The following CLTA variants were observed in gnomAD, a reference collection of about 807,000 sequenced individuals.
The protein encoded by CLTA is clathrin, light polypeptide (Lca).
CLTA carries 9 observed loss-of-function variants against 26.9 expected under a neutral mutation model. The observed-to-expected ratio is 0.33, with a 90% CI of 0.20 to 0.58. CLTA has a LOEUF of 0.58. CLTA is among the 20% of genes least tolerant of loss of function. CLTA has a pLI of 0.85. For missense variants in CLTA, 278 were observed against 294.2 expected, an observed-to-expected ratio of 0.94 and a Z score of 0.40; for synonymous variants, 120 against 115.5, an observed-to-expected ratio of 1.04 and a Z score of -0.25.
In CLTA at chr9:36,191,823, G is replaced by A. The variant is rs371432128; in HGVS notation, c.217+550G>A. ...GTAGGGAACTCGAAAGATGATCTAG[G>A]TCTGGAGAAAGAACTGCCAAGCGCG... is the stretch of plus-strand genomic sequence containing the variant. On this transcript the variant is annotated intron_variant, in intron 1 of 4. Transcript: ENST00000345519. Among the ~76,000 whole-genome samples the A allele has an allele frequency of 1.6e-3, 240 of 152,334 alleles. 8 individuals are homozygous for A. The South Asian group carries it at 0.049, about 31-fold the overall frequency.
At chr9:36,203,989 G>T in intron 3 of CLTA, 79 bp from the exon 4 acceptor site, 1 of 1,574,042 alleles carries the variant, frequency 6.4e-7, no homozygotes, top group Non-Finnish European at 8.6e-7. Flanking sequence ...CACAAGTTCA[G>T]CAAGACCAAA....
At chr9:36,208,413 T>A (rs950391556) in intron 4 of CLTA, among the ~76,000 whole-genome samples, 1 of 152,166 alleles carries the variant, frequency 6.6e-6, no homozygotes, top group Admixed American at 6.5e-5. Context: ...TCAAAGCCAA[T>A]TGAGTCTGGT....
intron 2 of CLTA, among the ~76,000 whole-genome samples, chr9:36,197,951 G>A (rs1452708086): frequency 6.6e-6 from 1 of 150,614 alleles, no homozygotes; most frequent in Non-Finnish European, 1.5e-5. Context: ...TTAGTTCAGT[G>A]AGTGGCATAT....
intron 1 of CLTA, 26 bp from the exon 2 acceptor site, chr9:36,197,525 A>T (rs758386515): frequency 2.5e-6 from 4 of 1,600,356 alleles, no homozygotes; most frequent in Admixed American, 1.7e-5. Context: ...GTCCTTATTG[A>T]TAGACCAAAA....
Position 36,191,241 on chromosome 9 carries a change from C to T in CLTA, c.185C>T (p.Pro62Leu). Reference protein sequence around the residue: ...FAILDGGAPGPQPHGEPPGGP... With the variant: ...FAILDGGAPGLQPHGEPPGGP... ...ATCCTGGACGGCGGCGCCCCCGGGC[C>T]CCAGCCGCACGGCGAGCCGCCGGGG... is the stretch of plus-strand genomic sequence containing the variant. The change falls in exon 1 of 5, where the codon CCC (proline) becomes CTC (leucine). Residue 62 changes from proline to leucine, a missense_variant. Transcript: ENST00000345519. 3 of 1,535,988 alleles carry T rather than the reference C, an allele frequency of 2.0e-6. No individual in the cohort carries two copies. The highest frequency in any genetic ancestry group is 1.4e-5 in the African/African-American group (1 of 72,046).
At chr9:36,210,735 A>G in intron 4 of CLTA, 9 of 1,576,522 alleles carry the variant, frequency 5.7e-6, no homozygotes, top group South Asian at 1.1e-5. Context: ...TCTGGGCTTC[A>G]GCGGTGTTTG....
At chr9:36,204,972 A>G (rs1827630280) in intron 4 of CLTA, among the ~76,000 whole-genome samples, 1 of 152,106 alleles carries the variant, frequency 6.6e-6, no homozygotes, top group South Asian at 2.1e-4. Context: ...GAGCCTGGGG[A>G]TATTTTTAAT....
At position 36,191,278 on chromosome 9, in the gene CLTA, G is replaced by T; in HGVS notation, c.217+5G>T. 1 of 1,509,662 alleles carries T rather than the reference G, an allele frequency of 6.6e-7. No individual in the cohort carries two copies. The allele number at this position is 1,509,662 out of a possible 1,614,324, so 93.5% of individuals were successfully genotyped here. On this transcript the variant is annotated splice_donor_5th_base_variant and intron_variant, in intron 1 of 4. Coordinates refer to ENST00000345519, the MANE Select transcript of CLTA (RefSeq NM_001833.4). Reference sequence around the variant, plus strand: ...GCGAGCCGCCGGGGGGTCCGGGTGAGAGTGCGGGCGCGTTTGGGGCGAGAG... The same window carrying T: ...GCGAGCCGCCGGGGGGTCCGGGTGATAGTGCGGGCGCGTTTGGGGCGAGAG...
At chr9:36,201,298 C>T (rs993206075) in intron 3 of CLTA, among the ~76,000 whole-genome samples, 37 of 152,138 alleles carry the variant, frequency 2.4e-4, no homozygotes, top group African/African-American at 8.7e-4. Flanking sequence ...AGAACCGGTG[C>T]CAGTGGTTTT....
At chr9:36,210,298 C>T (rs1827968279) in intron 4 of CLTA, among the ~76,000 whole-genome samples, 1 of 152,140 alleles carries the variant, frequency 6.6e-6, no homozygotes, top group East Asian at 1.9e-4. Flanking sequence ...GGCCTATGAC[C>T]TTGAGATGTT....
chr9:36,196,564 G>T (rs1827057877), intron 1 of CLTA, among the ~76,000 whole-genome samples: 1 of 151,772 alleles, frequency 6.6e-6, no homozygotes, highest in Non-Finnish European at 1.5e-5. Flanking sequence ...GGCCAGGCAG[G>T]TCTTGAACTC....
At chr9:36,203,292 G>T (rs541063583) in intron 3 of CLTA, among the ~76,000 whole-genome samples, 5 of 152,294 alleles carry the variant, frequency 3.3e-5, no homozygotes, top group African/African-American at 9.6e-5. Context: ...GTCATTTCTA[G>T]AACCTTTAGG....
intron 1 of CLTA, 87 bp from the exon 2 acceptor site, chr9:36,197,463 AG>A: frequency 1.2e-6 from 1 of 847,780 alleles, no homozygotes; most frequent in Non-Finnish European, 2.0e-6. Context: ...AGGTTCATAC[AG>A]CATATGATGC....
chr9:36,190,988 G>A lies in CLTA; in HGVS notation c.-69G>A. On this transcript the variant is annotated 5_prime_UTR_variant, in exon 1 of 5. Transcript: ENST00000345519. ...AGTCGGCACCACAGCGGTGGCTGCCGGGCGTGGTGTCGGTGGGTCGGTTGG... is the reference window on the plus strand; with the variant it reads ...AGTCGGCACCACAGCGGTGGCTGCCAGGCGTGGTGTCGGTGGGTCGGTTGG... The A allele has an allele frequency of 3.4e-6, 5 of 1,464,116 alleles. No homozygotes were observed. The highest frequency in any genetic ancestry group is 4.5e-6 in the Non-Finnish European group (5 of 1,118,340). 90.7% of individuals were successfully genotyped at this position (1,464,116 alleles called of 1,614,324 possible).
intron 4 of CLTA, 128 bp from the exon 5 acceptor site, chr9:36,211,475 G>C: frequency 7.6e-7 from 1 of 1,310,654 alleles, no homozygotes; most frequent in South Asian, 1.5e-5. Context: ...GCCAGGGGCT[G>C]TTATCTTGGG....
At chr9:36,201,401 T>C (rs1010021619) in intron 3 of CLTA, among the ~76,000 whole-genome samples, 1 of 152,178 alleles carries the variant, frequency 6.6e-6, no homozygotes, top group Non-Finnish European at 1.5e-5. Context: ...GAATGTGCTT[T>C]GCTCTCTAAG....
At chr9:36,211,081 T>G (rs577359534) in intron 4 of CLTA, among the ~76,000 whole-genome samples, 1 of 152,358 alleles carries the variant, frequency 6.6e-6, no homozygotes, top group East Asian at 1.9e-4. Context: ...CAGAATGGCT[T>G]TAGTCTCTAG....
chr9:36,203,452 T>C (rs1827537524), intron 3 of CLTA, among the ~76,000 whole-genome samples: 1 of 152,202 alleles, frequency 6.6e-6, no homozygotes. Context: ...TAATATTCTG[T>C]GTTCTATCAT....
intron 1 of CLTA, among the ~76,000 whole-genome samples, 175 bp downstream of exon 1, chr9:36,191,448 G>C (rs1179222377): frequency 5.9e-5 from 9 of 152,234 alleles, no homozygotes; most frequent in African/African-American, 2.2e-4. Flanking sequence ...CGAGAAGCCT[G>C]TTCGGTTCTC....
Sources: gnomAD v4.1 joint callset for allele counts (sites outside exome capture counted in the v4.1 genomes callset) on GRCh38, gnomAD v4.1.1 for gene constraint, MANE v1.5 for transcripts, NCBI Gene and HGNC (gene_info 2026-07-23, HGNC 2026-07-21) for gene names.